The following ESR1 variants were observed in gnomAD, a reference collection of about 807,000 sequenced individuals.
ESR1 encodes estrogen receptor.
A neutral mutation model predicts 52.7 loss-of-function variants in ESR1; 12 were observed. The ratio of observed to expected loss-of-function variants is 0.23; its 90% CI spans 0.15 to 0.37. The LOEUF (loss-of-function observed/expected upper bound fraction) is 0.37, where lower values mean the gene tolerates loss of function less well. Ranked by LOEUF, ESR1 falls within the 10% of genes least tolerant of loss-of-function variation. The pLI is 1.00. For missense variants in ESR1, 584 were observed against 779.7 expected, an observed-to-expected ratio of 0.75 and a Z score of 2.99; for synonymous variants, 305 against 316.8, an observed-to-expected ratio of 0.96 and a Z score of 0.39.
rs1778150690 is a variant in ESR1, at chr6:151,807,982, G to C, written c.70G>C (p.Glu24Gln). The C allele has an allele frequency of 6.2e-7, 1 of 1,613,836 alleles. No homozygotes were observed. Among genetic ancestry groups the C allele is most frequent in the Non-Finnish European group, 8.5e-7 (1 of 1,179,990 alleles). ...LLHQIQGNEL[E>Q]PLNRPQLKIP... ...GCATCAGATCCAAGGGAACGAGCTG[G>C]AGCCCCTGAACCGTCCGCAGCTCAA... The change falls in exon 1 of 8, where the codon GAG becomes CAG. Residue 24 changes from glutamate to glutamine, a missense_variant. Glu to Gln is a conservative substitution (Grantham distance 29). Around this residue, in one of 6 missense-constraint regions of ESR1, gnomAD observed 251 missense variants for 246.1 expected, o/e 1.02. Coordinates refer to ENST00000206249, the MANE Select transcript of ESR1 (RefSeq NM_000125.4).
At chr6:151,763,778 C>A (rs150240740) in intron 2 of ESR1, among the ~76,000 whole-genome samples, 1 of 152,270 alleles carries the variant, frequency 6.6e-6, no homozygotes, top group East Asian at 1.9e-4. Context: ...TAATATATGA[C>A]AGAAATACAA....
intron 4 of ESR1, among the ~76,000 whole-genome samples, chr6:151,961,250 G>C (rs1013164102): frequency 3.9e-5 from 6 of 152,104 alleles, no homozygotes; most frequent in Non-Finnish European, 7.4e-5. Context: ...AAAGAAGAGA[G>C]GGAACCCGCA....
At chr6:152,049,243 A>G (rs994006600) in intron 5 of ESR1, among the ~76,000 whole-genome samples, 1 of 152,238 alleles carries the variant, frequency 6.6e-6, no homozygotes, top group East Asian at 1.9e-4. Flanking sequence ...AAGCATCTGT[A>G]ATAACCAACT....
chr6:152,032,891 T>C (rs1341281624), intron 5 of ESR1, among the ~76,000 whole-genome samples: 2 of 152,156 alleles, frequency 1.3e-5, no homozygotes, highest in East Asian at 1.9e-4. Context: ...CTTCAAACTA[T>C]ACTACAAGGC....
chr6:152,042,185 A>G (rs1413807096), intron 5 of ESR1, among the ~76,000 whole-genome samples: 1 of 152,084 alleles, frequency 6.6e-6, no homozygotes, highest in Non-Finnish European at 1.5e-5. Flanking sequence ...TTCCCACCAT[A>G]ATAGCCCTCA....
chr6:151,929,969 G>C (rs2033341452), intron 3 of ESR1, among the ~76,000 whole-genome samples: 1 of 151,466 alleles, frequency 6.6e-6, no homozygotes, highest in Non-Finnish European at 1.5e-5. Context: ...TTTTCTCTTA[G>C]AGTATTAACT....
chr6:151,675,635 A>G (rs894624244), intron 1 of ESR1, among the ~76,000 whole-genome samples: 34 of 152,292 alleles, frequency 2.2e-4, no homozygotes, highest in African/African-American at 7.5e-4. Flanking sequence ...CAAAAAAGCC[A>G]TCATTTTAGG....
intron 2 of ESR1, among the ~76,000 whole-genome samples, chr6:151,794,457 G>T (rs1044032954): frequency 1.3e-5 from 2 of 152,288 alleles, no homozygotes; most frequent in Middle Eastern, 6.8e-3. Flanking sequence ...TAGATCAAAA[G>T]ATCTTAATGC....
chr6:152,083,911 C>A (rs1427849246), intron 6 of ESR1, among the ~76,000 whole-genome samples: 3 of 152,140 alleles, frequency 2.0e-5, no homozygotes, highest in Non-Finnish European at 2.9e-5. Flanking sequence ...ACCCAGTGAT[C>A]TCATTAGTGG....
intron 7 of ESR1, among the ~76,000 whole-genome samples, chr6:152,097,623 C>T (rs1428961290): frequency 3.3e-5 from 5 of 152,226 alleles, no homozygotes; most frequent in African/African-American, 1.2e-4. Context: ...CCTCCCCACC[C>T]CCGCCACCAG....
intron 3 of ESR1, among the ~76,000 whole-genome samples, chr6:151,906,225 G>T (rs1797432696): frequency 6.6e-6 from 1 of 152,112 alleles, no homozygotes. Context: ...ACAATCAACT[G>T]TATCTCCACC....
At chr6:152,111,088 T>C (rs570144295) in intron 6 of ESR1, among the ~76,000 whole-genome samples, 50 of 152,280 alleles carry the variant, frequency 3.3e-4, no homozygotes, top group Admixed American at 2.9e-3. Flanking sequence ...AGGGCCTGTC[T>C]CAGCCTCTGA....
chr6:151,742,489 A>G lies in ESR1; in HGVS notation c.-71+40484A>G, dbSNP rs190105351. ...ATTGTTTCCCTTACATGTGCTGAAC[A>G]AACACAGCAGAGCAGTTACCAGCGC... On this transcript the variant is annotated intron_variant, in intron 2 of 2. Coordinates refer to the ESR1 transcript ENST00000404742. Among the ~76,000 whole-genome samples, 3 of 152,308 alleles carry G rather than the reference A, an allele frequency of 2.0e-5. No homozygotes were observed. In the East Asian group the frequency reaches 5.8e-4, roughly 29 times the overall value.
intron 2 of ESR1, among the ~76,000 whole-genome samples, chr6:151,788,851 A>T (rs1240575086): frequency 2.6e-5 from 4 of 152,234 alleles, no homozygotes; most frequent in Non-Finnish European, 5.9e-5. Flanking sequence ...CTAATGCAGG[A>T]ACAGAAAACC....
At chr6:152,064,093 A>T (rs1248504262) in intron 6 of ESR1, among the ~76,000 whole-genome samples, 1 of 152,238 alleles carries the variant, frequency 6.6e-6, no homozygotes, top group African/African-American at 2.4e-5. Flanking sequence ...TGCTTGCAAA[A>T]ACCCGGAATC....
chr6:151,800,578 CT>C (rs1203136063), upstream of ESR1, among the ~76,000 whole-genome samples: 1 of 152,122 alleles, frequency 6.6e-6, no homozygotes, highest in Admixed American at 6.5e-5. Flanking sequence ...AGAGCTCTCT[CT>C]TTTTCTGTCC....
intron 3 of ESR1, among the ~76,000 whole-genome samples, chr6:151,928,214 C>T (rs2128478127): frequency 6.6e-6 from 1 of 152,210 alleles, no homozygotes; most frequent in Non-Finnish European, 1.5e-5. Flanking sequence ...TTGAAAATAT[C>T]ATAAGTCTTT....
At chr6:152,077,158 C>A (rs966901568) in intron 6 of ESR1, among the ~76,000 whole-genome samples, 7 of 152,252 alleles carry the variant, frequency 4.6e-5, no homozygotes, top group Admixed American at 1.3e-4. Flanking sequence ...AGCCTAGGAA[C>A]TTGGTGCCCT....
chr6:151,677,288 A>C (rs1358368356), intron 1 of ESR1, among the ~76,000 whole-genome samples: 1 of 152,210 alleles, frequency 6.6e-6, no homozygotes, highest in Admixed American at 6.5e-5. Flanking sequence ...CTTGACCGCC[A>C]CTTTGTTGAT....
Sources: gnomAD v4.1 joint callset for allele counts (sites outside exome capture counted in the v4.1 genomes callset) on GRCh38, gnomAD v4.1.1 for gene constraint, gnomAD v4.1.1 regional missense constraint, MANE v1.5 for transcripts, NCBI Gene and HGNC (gene_info 2026-07-23, HGNC 2026-07-21) for gene names.